CLSTN2: variants seen among roughly 807,000 people sequenced by gnomAD.
CLSTN2 encodes calsyntenin 2, also known as calsyntenin-2.
In CLSTN2, 48 loss-of-function variants were observed where a neutral mutation model predicts 101.2. That is an observed-to-expected ratio of 0.47 (90% CI 0.38 to 0.60). CLSTN2 has a LOEUF of 0.60. CLSTN2 is among the 20% of genes least tolerant of loss of function. The probability of loss-of-function intolerance (pLI) is 0.00; values close to 1 mark genes in which losing one functional copy is unlikely to be tolerated. For missense variants in CLSTN2, 1,160 were observed against 1,238.2 expected, an observed-to-expected ratio of 0.94 and a Z score of 0.95; for synonymous variants, 481 against 463.6, an observed-to-expected ratio of 1.04 and a Z score of -0.48.
chr3:139,941,582 C>T (rs147407632), intron 1 of CLSTN2, among the ~76,000 whole-genome samples: 3,993 of 152,136 alleles, frequency 0.026, 94 homozygotes, highest in South Asian at 0.073. Context: ...CATCACAGAC[C>T]CCCCGAAGCC....
intron 9 of CLSTN2, among the ~76,000 whole-genome samples, chr3:140,534,723 G>C (rs1475089413): frequency 6.6e-6 from 1 of 152,096 alleles, no homozygotes; most frequent in Non-Finnish European, 1.5e-5. Context: ...TATTTTATTG[G>C]CCAAAGCAAG....
chr3:140,422,391 C>T (rs1236978639), intron 5 of CLSTN2, among the ~76,000 whole-genome samples: 5 of 152,112 alleles, frequency 3.3e-5, no homozygotes, highest in South Asian at 2.1e-4. Flanking sequence ...ATTGGCAGGA[C>T]ATCATGGTAC....
At chr3:140,362,736 A>T (rs2087742460) in intron 2 of CLSTN2, among the ~76,000 whole-genome samples, 1 of 152,212 alleles carries the variant, frequency 6.6e-6, no homozygotes, top group Non-Finnish European at 1.5e-5. Flanking sequence ...ATAATTAGTC[A>T]TTAGGGAAAT....
At chr3:140,299,203 C>G (rs1286589965) in intron 2 of CLSTN2, among the ~76,000 whole-genome samples, 1 of 152,178 alleles carries the variant, frequency 6.6e-6, no homozygotes, top group African/African-American at 2.4e-5. Context: ...ATGGGAACAG[C>G]CCTGTCTAGG....
intron 5 of CLSTN2, among the ~76,000 whole-genome samples, chr3:140,434,443 G>A (rs985388133): frequency 2.0e-5 from 3 of 152,236 alleles, no homozygotes; most frequent in Admixed American, 6.5e-5. Flanking sequence ...ACCATGAGCT[G>A]GAGCGGTGGT....
In CLSTN2 at chr3:140,252,601, T is replaced by C. The variant is rs1391018392; in HGVS notation, c.232+76528T>C. ...TCAGCTCCCTTCTCTGGAACATATA[T>C]GGGCTTAATTCTCTTAATTATAAAA... On this transcript the variant is annotated intron_variant, in intron 2 of 16. Coordinates refer to ENST00000458420, the MANE Select transcript of CLSTN2 (RefSeq NM_022131.3). Among the ~76,000 whole-genome samples, 3 of 152,326 alleles carry C rather than the reference T, an allele frequency of 2.0e-5. No individual in the cohort carries two copies. The East Asian group carries it at 5.8e-4, about 29-fold the overall frequency.
At chr3:140,322,456 G>A (rs1254083174) in intron 2 of CLSTN2, among the ~76,000 whole-genome samples, 1 of 152,260 alleles carries the variant, frequency 6.6e-6, no homozygotes, top group Non-Finnish European at 1.5e-5. Context: ...GTGACGCAGA[G>A]CAAGAGGTGC....
intron 1 of CLSTN2, among the ~76,000 whole-genome samples, chr3:139,989,881 G>C (rs1936088600): frequency 6.6e-6 from 1 of 152,182 alleles, no homozygotes; most frequent in South Asian, 2.1e-4. Context: ...TAGCAGATTT[G>C]AAAAGTGTAA....
chr3:140,136,366 C>T (rs1369731445), intron 1 of CLSTN2, among the ~76,000 whole-genome samples: 2 of 152,170 alleles, frequency 1.3e-5, no homozygotes, highest in Non-Finnish European at 2.9e-5. Flanking sequence ...ACTTTAAGAG[C>T]TATATCTGTA....
At chr3:140,343,309 T>A (rs1042520420) in intron 2 of CLSTN2, among the ~76,000 whole-genome samples, 4 of 152,192 alleles carry the variant, frequency 2.6e-5, no homozygotes, top group Admixed American at 6.5e-5. Context: ...CTGAATATCA[T>A]CAGTGGCTCT....
chr3:140,244,908 C>T (rs1192494358), intron 2 of CLSTN2, among the ~76,000 whole-genome samples: 1 of 152,198 alleles, frequency 6.6e-6, no homozygotes, highest in Non-Finnish European at 1.5e-5. Context: ...TTTGAAATGT[C>T]AAGGTTTGAA....
At chr3:139,950,304 G>A (rs1178716114) in intron 1 of CLSTN2, among the ~76,000 whole-genome samples, 1 of 152,174 alleles carries the variant, frequency 6.6e-6, no homozygotes, top group African/African-American at 2.4e-5. Context: ...GGTGTTGAGA[G>A]GGTCACCTTC....
chr3:140,514,487 T>C (rs1309337351), intron 8 of CLSTN2, among the ~76,000 whole-genome samples: 1 of 152,170 alleles, frequency 6.6e-6, no homozygotes, highest in Non-Finnish European at 1.5e-5. Flanking sequence ...CATATACATA[T>C]ACTACATATA....
intron 1 of CLSTN2, among the ~76,000 whole-genome samples, chr3:140,171,661 TTATATATAATATGTATTATATATAA>T: frequency 9.0e-6 from 1 of 110,522 alleles, no homozygotes; most frequent in South Asian, 2.3e-4. Flanking sequence ...GTATTATATA[TTATATATAATATGTATTATATATAA>T]TATATATTAA....
chr3:140,053,001 C>T (rs2107769215), intron 1 of CLSTN2, among the ~76,000 whole-genome samples: 1 of 152,324 alleles, frequency 6.6e-6, no homozygotes, highest in East Asian at 1.9e-4. Context: ...CAAGACAGCA[C>T]AGCCAACCAC....
intron 1 of CLSTN2, among the ~76,000 whole-genome samples, chr3:140,035,751 G>C (rs551491856): frequency 6.6e-6 from 1 of 152,280 alleles, no homozygotes; most frequent in African/African-American, 2.4e-5. Flanking sequence ...TTCACTGACT[G>C]AACACCAAAA....
At chr3:140,340,607 C>G (rs2087482793) in intron 2 of CLSTN2, among the ~76,000 whole-genome samples, 1 of 152,030 alleles carries the variant, frequency 6.6e-6, no homozygotes, top group African/African-American at 2.4e-5. Context: ...TATCATAAAC[C>G]CTACTCCCAG....
intron 1 of CLSTN2, among the ~76,000 whole-genome samples, chr3:140,171,595 A>C (rs1319164281): frequency 7.2e-6 from 1 of 139,446 alleles, no homozygotes; most frequent in Non-Finnish European, 1.5e-5. Context: ...TAAAATATAT[A>C]CTGTATAATG....
chr3:140,143,669 G>T (rs952248704), intron 1 of CLSTN2, among the ~76,000 whole-genome samples: 1 of 152,146 alleles, frequency 6.6e-6, no homozygotes, highest in Non-Finnish European at 1.5e-5. Context: ...GGCTGGGTGT[G>T]CCCAGTCCCA....
Sources: gnomAD v4.1 joint callset for allele counts (sites outside exome capture counted in the v4.1 genomes callset) on GRCh38, gnomAD v4.1.1 for gene constraint, MANE v1.5 for transcripts, NCBI Gene and HGNC (gene_info 2026-07-23, HGNC 2026-07-21) for gene names.